Variants in CDKL1 observed in about 807,000 individuals in gnomAD.
CDKL1 encodes the protein cyclin dependent kinase like 1.
CDKL1 carries 41 observed loss-of-function variants against 42.0 expected under a neutral mutation model. The ratio of observed to expected loss-of-function variants is 0.98; its 90% CI spans 0.76 to 1.27. The LOEUF (loss-of-function observed/expected upper bound fraction) is 1.27, where lower values mean the gene tolerates loss of function less well. Among genes scored for constraint, CDKL1 ranks in the 50% most tolerant of loss-of-function variants. The pLI, the probability that CDKL1 is intolerant of heterozygous loss-of-function variation, is 0.00. For missense variants in CDKL1, 394 were observed against 428.4 expected (o/e 0.92, Z 0.71); for synonymous variants, 153 against 158.6 (o/e 0.96, Z 0.26).
At chr14:50,374,091 C>T (rs530442789) in intron 2 of CDKL1, among the ~76,000 whole-genome samples, 85 of 151,966 alleles carry the variant, frequency 5.6e-4, no homozygotes, top group African/African-American at 1.9e-3. Flanking sequence ...TATCATCCAC[C>T]GATAAAATAA....
At chr14:50,365,622 A>G (rs755809447) in intron 2 of CDKL1, among the ~76,000 whole-genome samples, 6 of 152,132 alleles carry the variant, frequency 3.9e-5, no homozygotes, top group Non-Finnish European at 8.8e-5. Context: ...TATTCAACAA[A>G]TATCCCTAGA....
chr14:50,355,343 G>A (rs2034025528), intron 3 of CDKL1, among the ~76,000 whole-genome samples: 1 of 152,134 alleles, frequency 6.6e-6, no homozygotes, highest in African/African-American at 2.4e-5. Context: ...TAGACTTGCT[G>A]GGTTTAAGAT....
intron 2 of CDKL1, among the ~76,000 whole-genome samples, chr14:50,370,822 A>G (rs549905103): frequency 6.6e-6 from 1 of 152,318 alleles, no homozygotes; most frequent in Non-Finnish European, 1.5e-5. Flanking sequence ...ACGAGAACTC[A>G]CTATCACGAA....
At chr14:50,363,583 G>A (rs1437832378) in intron 2 of CDKL1, among the ~76,000 whole-genome samples, 1 of 152,228 alleles carries the variant, frequency 6.6e-6, no homozygotes, top group Non-Finnish European at 1.5e-5. Flanking sequence ...TCCCTTGACA[G>A]GATGTGACAT....
chr14:50,389,358 T>C (rs1192944008), intron 2 of CDKL1, among the ~76,000 whole-genome samples: 1 of 152,128 alleles, frequency 6.6e-6, no homozygotes, highest in Non-Finnish European at 1.5e-5. Flanking sequence ...TTTCTCTCCC[T>C]CAAAGAGTCA....
chr14:50,334,543 TG>T (rs1355956875), intron 8 of CDKL1, 21 bp downstream of exon 8: 2 of 1,440,646 alleles, frequency 1.4e-6, no homozygotes, highest in Non-Finnish European at 2.0e-6. Flanking sequence ...CTTCCTGGTC[TG>T]TTGGAAGCCA....
Position 50,342,181 on chromosome 14 carries a change from C to T in CDKL1, c.405G>A (p.Thr135=), listed in dbSNP as rs2033568378. 1.2e-6 allele frequency: 2 copies of T among 1,614,012 alleles called. No individual in the cohort carries two copies. The highest frequency in any genetic ancestry group is 1.7e-6 in the Non-Finnish European group (2 of 1,179,974). The change falls in exon 5 of 10, where the codon ACG becomes ACA. Residue 135 remains threonine (T), a synonymous_variant. Coordinates refer to ENST00000395834, the MANE Select transcript of CDKL1 (RefSeq NM_004196.7). ...RDVKPENILI[T]KHSVIKLCDF... ...CACAAAGCTTAATCACGGAATGTTT[C>T]GTGATGAGGATATTTTCTGGCTTCA...
chr14:50,330,917 C>T (rs1399521755), intron 9 of CDKL1: 3 of 151,270 alleles, frequency 2.0e-5, no homozygotes, highest in Admixed American at 6.6e-5. Context: ...ACTTTTAAAT[C>T]AGTTGATTCT....
At chr14:50,369,612 AC>A in intron 2 of CDKL1, among the ~76,000 whole-genome samples, 1 of 138,452 alleles carries the variant, frequency 7.2e-6, no homozygotes, top group Non-Finnish European at 1.6e-5. Context: ...ACACATGCAC[AC>A]ACACACACAC....
At chr14:50,367,552 A>G (rs985258472) in intron 2 of CDKL1, among the ~76,000 whole-genome samples, 2 of 152,234 alleles carry the variant, frequency 1.3e-5, no homozygotes, top group Non-Finnish European at 2.9e-5. Flanking sequence ...GGGACGTACA[A>G]ACGAATTAGA....
At position 50,345,059 on chromosome 14, in the gene CDKL1, C is replaced by T. The variant is rs1186683911; in HGVS notation, c.291-1G>A. ...GCTCTTCACGAGATGTTCTGGTACC[C>T]TAATAAAAATAAAGCAGCACAAACA... On this transcript the variant is annotated splice_acceptor_variant, in intron 3 of 9. Transcript: ENST00000395834. LOFTEE classifies it high-confidence loss of function. 1 of 1,611,932 alleles carries T rather than the reference C, an allele frequency of 6.2e-7. No individual in the cohort carries two copies. Among genetic ancestry groups the T allele is most frequent in the Admixed American group, 1.7e-5 (1 of 59,908 alleles).
At chr14:50,377,113 T>C (rs1246605814) in intron 2 of CDKL1, among the ~76,000 whole-genome samples, 1 of 152,226 alleles carries the variant, frequency 6.6e-6, no homozygotes, top group Non-Finnish European at 1.5e-5. Context: ...TTTCCCATTC[T>C]TTCAGCCCAT....
chr14:50,390,460 A>T, intron 2 of CDKL1: 4 of 1,196,334 alleles, frequency 3.3e-6, no homozygotes, highest in Non-Finnish European at 3.3e-6. Context: ...GGCCTTAGTA[A>T]TACAATTATT....
chr14:50,332,490 T>C, intron 8 of CDKL1, 58 bp from the exon 9 acceptor site: 1 of 1,546,656 alleles, frequency 6.5e-7, no homozygotes, highest in Non-Finnish European at 8.7e-7. Flanking sequence ...AACTTATTAA[T>C]GTCATTTTTT....
upstream of CDKL1, chr14:50,397,236 C>A: frequency 7.3e-7 from 1 of 1,366,610 alleles, no homozygotes; most frequent in Non-Finnish European, 9.8e-7. Context: ...CGCGGTTATT[C>A]CCTTTGGTCC....
chr14:50,340,498 T>G (rs1415607493), intron 6 of CDKL1, among the ~76,000 whole-genome samples: 1 of 151,938 alleles, frequency 6.6e-6, no homozygotes, highest in Non-Finnish European at 1.5e-5. Context: ...GCCCTTCCCC[T>G]CCGCCTCCAA....
At chr14:50,353,654 T>G (rs2033969940) in intron 3 of CDKL1, among the ~76,000 whole-genome samples, 1 of 152,164 alleles carries the variant, frequency 6.6e-6, no homozygotes, top group Non-Finnish European at 1.5e-5. Context: ...CATGGTATAT[T>G]CATACAATGG....
At chr14:50,357,373 T>G (rs2034086032) in intron 3 of CDKL1, 1 of 151,982 alleles carries the variant, frequency 6.6e-6, no homozygotes, top group South Asian at 2.1e-4. Context: ...CTTGAAAGAG[T>G]TGTTGGAGGA....
At chr14:50,340,955 T>C (rs1430638318) in intron 6 of CDKL1, 77 bp downstream of exon 6, 10 of 1,519,192 alleles carry the variant, frequency 6.6e-6, no homozygotes, top group African/African-American at 1.4e-5. Context: ...TAGGTGAGAC[T>C]GAGAACTTGG....
Sources: allele counts gnomAD v4.1 joint callset (sites outside exome capture counted in the v4.1 genomes callset), GRCh38; gene constraint gnomAD v4.1.1; transcripts MANE v1.5; gene names NCBI Gene and HGNC (gene_info 2026-07-23, HGNC 2026-07-21).